Variants in FAM184B observed in about 807,000 individuals in gnomAD.
FAM184B encodes protein FAM184B.
In FAM184B, 111 loss-of-function variants were observed where a neutral mutation model predicts 135.9. The ratio of observed to expected loss-of-function variants is 0.82; its 90% CI spans 0.70 to 0.96. FAM184B has a LOEUF of 0.96. Ranked by LOEUF, FAM184B falls within the 40% of genes least tolerant of loss-of-function variation. The pLI is 0.00. For synonymous variants in FAM184B, 552 were observed against 524.8 expected (o/e 1.05, Z -0.71); for missense variants, 1,375 against 1,323.9 (o/e 1.04, Z -0.60).
At position 17,630,390 on chromosome 4, in the gene FAM184B, C is replaced by A. The variant is rs1346227694; in HGVS notation, c.*2142G>T. 1 of 152,026 alleles carries A rather than the reference C, an allele frequency of 6.6e-6. No individual in the cohort carries two copies. Among genetic ancestry groups the A allele is most frequent in the Non-Finnish European group, 1.5e-5 (1 of 68,008 alleles). 9.4% of individuals were successfully genotyped at this position (152,026 alleles called of 1,614,324 possible). On this transcript the variant is annotated 3_prime_UTR_variant, in exon 18 of 18. Transcript: ENST00000265018. Reference sequence around the variant, plus strand: ...TCACCCTCATGAGTAGGATAAGTACCCTTACAAAAGAGGCTCAGGGAGGCG... The same window carrying A: ...TCACCCTCATGAGTAGGATAAGTACACTTACAAAAGAGGCTCAGGGAGGCG...
intron 1 of FAM184B, among the ~76,000 whole-genome samples, chr4:17,730,642 C>A (rs904763560): frequency 6.6e-6 from 1 of 152,096 alleles, no homozygotes; most frequent in East Asian, 1.9e-4. Flanking sequence ...GGGGAAAAAA[C>A]AGAGCAGAAA....
chr4:17,739,555 G>GTTTTTTTGTTTTTTT (rs1717980816), intron 1 of FAM184B, among the ~76,000 whole-genome samples: 2 of 62,510 alleles, frequency 3.2e-5, no homozygotes, highest in Admixed American at 3.2e-4. Context: ...CATACCAACT[G>GTTTTTTTGTTTTTTT]TTTTTTTTTT....
intron 7 of FAM184B, among the ~76,000 whole-genome samples, chr4:17,673,171 A>T (rs1478721649): frequency 6.6e-6 from 1 of 152,208 alleles, no homozygotes; most frequent in Non-Finnish European, 1.5e-5. Context: ...CAAACCTATG[A>T]AAAAAAGCTC....
intron 13 of FAM184B, among the ~76,000 whole-genome samples, chr4:17,640,481 C>CAAAA (rs200666429): frequency 4.7e-5 from 6 of 127,404 alleles, no homozygotes; most frequent in Admixed American, 7.9e-5. Flanking sequence ...AAGACTGTCT[C>CAAAA]AAAAAAAAAA....
In FAM184B at chr4:17,630,584, T is replaced by C. The variant is rs1714899473; in HGVS notation, c.*1948A>G. 6.6e-6 allele frequency: 1 copy of C among 152,228 alleles called. No individual in the cohort carries two copies. Among genetic ancestry groups the C allele is most frequent in the Non-Finnish European group, 1.5e-5 (1 of 68,044 alleles). The allele number at this position is 152,228 out of a possible 1,614,324, so 9.4% of individuals were successfully genotyped here. On this transcript the variant is annotated 3_prime_UTR_variant, in exon 18 of 18. Transcript: ENST00000265018. The stretch of plus-strand genomic sequence containing the variant: ...ATTATCCAGTATAAGTAAGATATTT[T>C]GTTAGAGCAGCCTGAACGAACTAAG...
intron 5 of FAM184B, among the ~76,000 whole-genome samples, chr4:17,697,785 G>A (rs886494632): frequency 9.2e-5 from 14 of 152,040 alleles, no homozygotes; most frequent in Non-Finnish European, 1.8e-4. Context: ...CTAATTTTAC[G>A]TAGCTTAACT....
At chr4:17,705,316 C>T in intron 4 of FAM184B, 110 bp from the exon 5 acceptor site, 1 of 799,448 alleles carries the variant, frequency 1.3e-6, no homozygotes, top group South Asian at 1.8e-5. Context: ...GTTTTTACAG[C>T]ATGTAGCACA....
At chr4:17,757,858 C>T (rs1718456181) in intron 1 of FAM184B, among the ~76,000 whole-genome samples, 2 of 152,106 alleles carry the variant, frequency 1.3e-5, no homozygotes, top group African/African-American at 4.8e-5. Context: ...TTCAAGCTTT[C>T]CAGTCTCTGC....
At chr4:17,685,183 A>G (rs998032931) in intron 7 of FAM184B, among the ~76,000 whole-genome samples, 2 of 148,882 alleles carry the variant, frequency 1.3e-5, no homozygotes, top group Admixed American at 6.8e-5. Flanking sequence ...CATCCTGCAC[A>G]TGTACCCTGG....
Position 17,751,231 on chromosome 4 carries a change from C to T in FAM184B, c.141+29928G>A, listed in dbSNP as rs533082006. ...GCTGAGGCCGGAGAATCACTTGAAC[C>T]CGGGAGGTGGAGGTTGCAGTAAGAG... is the stretch of plus-strand genomic sequence containing the variant. On this transcript the variant is annotated intron_variant, in intron 1 of 17. Coordinates refer to ENST00000265018, the MANE Select transcript of FAM184B (RefSeq NM_015688.2). 9.8e-4 allele frequency among the ~76,000 whole-genome samples: 146 copies of T among 149,580 alleles called. 1 individual carries two copies. The highest frequency in any genetic ancestry group is 1.5e-3 in the Non-Finnish European group (103 of 67,722).
chr4:17,748,505 ATTTTT>A (rs34998803), intron 1 of FAM184B, among the ~76,000 whole-genome samples: 1 of 98,574 alleles, frequency 1.0e-5, no homozygotes, highest in Admixed American at 1.2e-4. Context: ...CTCTTGTGTA[ATTTTT>A]TTTTTTTTTT....
Position 17,688,466 on chromosome 4 carries a change from G to C in FAM184B, c.1554C>G (p.Pro518=). 1 of 1,551,002 alleles carries C rather than the reference G, an allele frequency of 6.4e-7. No homozygotes were observed. Among genetic ancestry groups the C allele is most frequent in the South Asian group, 1.2e-5 (1 of 83,938 alleles). The change falls in exon 7 of 18, where the codon CCC becomes CCG. Residue 518 remains proline, a synonymous_variant. Transcript: ENST00000265018. ...TGCAGTGCTGGCGGCCTAATTCCTG[G>C]GGACTTTCCTCAGCTCCTGTGGGGC... ...KTRPTGAEES[P]QELGRQHCSI...
At chr4:17,744,693 C>A (rs1718120949) in intron 1 of FAM184B, among the ~76,000 whole-genome samples, 1 of 150,496 alleles carries the variant, frequency 6.6e-6, no homozygotes, top group Admixed American at 6.6e-5. Context: ...GCACTCCAGC[C>A]TGGGGGACAG....
At chr4:17,679,819 T>C (rs906606843) in intron 7 of FAM184B, among the ~76,000 whole-genome samples, 1 of 152,092 alleles carries the variant, frequency 6.6e-6, no homozygotes, top group Non-Finnish European at 1.5e-5. Flanking sequence ...TTGTGATATA[T>C]ACATACCATG....
intron 8 of FAM184B, among the ~76,000 whole-genome samples, chr4:17,663,081 A>G (rs1446956537): frequency 6.6e-6 from 1 of 152,128 alleles, no homozygotes; most frequent in East Asian, 1.9e-4. Flanking sequence ...GACTACAGGC[A>G]TGTGCCACCA....
At position 17,756,448 on chromosome 4, in the gene FAM184B, C is replaced by G. The variant is rs191094743; in HGVS notation, c.141+24711G>C. ...TCTAAATTTACAATGATATCCTCCT[C>G]TAATAAAAAACCTCATTGGTCATCT... On this transcript the variant is annotated intron_variant, in intron 1 of 17. Coordinates refer to ENST00000265018, the MANE Select transcript of FAM184B (RefSeq NM_015688.2). Among the ~76,000 whole-genome samples the G allele has an allele frequency of 5.9e-5, 9 of 152,246 alleles. No homozygotes were observed. In the East Asian group the frequency reaches 1.7e-3, roughly 29 times the overall value.
intron 15 of FAM184B, among the ~76,000 whole-genome samples, chr4:17,635,430 C>G (rs1328255163): frequency 1.3e-5 from 2 of 152,118 alleles, no homozygotes; most frequent in African/African-American, 2.4e-5. Flanking sequence ...CCCAGGTATG[C>G]AAAGGATTTT....
chr4:17,764,683 T>C (rs1718619964), intron 1 of FAM184B, among the ~76,000 whole-genome samples: 1 of 151,866 alleles, frequency 6.6e-6, no homozygotes, highest in African/African-American at 2.4e-5. Flanking sequence ...CTGTTGGGAG[T>C]TCAAAGATGA....
At chr4:17,735,219 A>G (rs186832228) in intron 1 of FAM184B, among the ~76,000 whole-genome samples, 2,880 of 152,134 alleles carry the variant, frequency 0.019, 46 homozygotes, top group Non-Finnish European at 0.028. Flanking sequence ...ATTAGGAGAT[A>G]TACCTAATGC....
Sources: gnomAD v4.1 joint callset for allele counts (sites outside exome capture counted in the v4.1 genomes callset) on GRCh38, gnomAD v4.1.1 for gene constraint, MANE v1.5 for transcripts, NCBI Gene and HGNC (gene_info 2026-07-23, HGNC 2026-07-21) for gene names.